The following PCM1 variants were observed in gnomAD, a reference collection of about 807,000 sequenced individuals.
The protein encoded by PCM1 is pericentriolar material 1 protein.
In PCM1, 157 loss-of-function variants were observed where a neutral mutation model predicts 241.9. The observed-to-expected ratio is 0.65, with a 90% CI of 0.57 to 0.74. PCM1 has a LOEUF of 0.74. Among genes scored for constraint, PCM1 ranks in the 30% least tolerant of loss-of-function variants. The pLI is 0.00. For missense variants in PCM1, 3,478 were observed against 2,360.1 expected, an observed-to-expected ratio of 1.47 and a Z score of -9.81; for synonymous variants, 1,085 against 784.9, an observed-to-expected ratio of 1.38 and a Z score of -6.39.
In PCM1 at chr8:17,955,525, A is replaced by G. The variant is rs763698154; in HGVS notation, c.1344A>G (p.Val448=). The G allele has an allele frequency of 1.2e-6, 2 of 1,613,738 alleles. No homozygotes were observed. The highest frequency in any genetic ancestry group is 1.7e-6 in the Non-Finnish European group (2 of 1,179,780). ...GTACTTCAGCTCCCTCTGCTTCTGTAGGCTTGGCACCGGTTGTCAATGGAG... is the reference window on the plus strand; with the variant it reads ...GTACTTCAGCTCCCTCTGCTTCTGTGGGCTTGGCACCGGTTGTCAATGGAG... ...QRSTSAPSAS[V]GLAPVVNGES... is the part of the protein sequence containing the mutation. Residue 448 remains valine, a synonymous_variant, in exon 10 of 39, where the codon GTA becomes GTG. Coordinates refer to ENST00000325083, the MANE Select transcript of PCM1 (RefSeq NM_006197.4).
intron 2 of PCM1, among the ~76,000 whole-genome samples, chr8:17,931,699 A>C (rs1016317709): frequency 6.6e-6 from 1 of 152,128 alleles, no homozygotes; most frequent in South Asian, 2.1e-4. Context: ...TTTCAAAACA[A>C]TTGCTTTTAG....
intron 36 of PCM1, among the ~76,000 whole-genome samples, chr8:18,018,901 TATATATATATAA>T (rs1389944655): frequency 7.9e-6 from 1 of 125,856 alleles, no homozygotes; most frequent in African/African-American, 3.1e-5. Context: ...TACATACACA[TATATATATATAA>T]ATATATAACA....
chr8:17,947,159 A>T, intron 6 of PCM1, 27 bp from the exon 7 acceptor site: 1 of 1,469,192 alleles, frequency 6.8e-7, no homozygotes, highest in Non-Finnish European at 9.3e-7. Flanking sequence ...ATAGTCAGAT[A>T]CAAGTATTGT....
intron 23 of PCM1, among the ~76,000 whole-genome samples, chr8:17,979,787 T>TAAAAACA (rs1554710330): frequency 1.3e-5 from 2 of 151,440 alleles, no homozygotes; most frequent in Non-Finnish European, 3.0e-5. Flanking sequence ...TTTTTAAAAT[T>TAAAAACA]AAAAACAAAA....
At chr8:18,013,588 T>A (rs1230367834) in intron 34 of PCM1, among the ~76,000 whole-genome samples, 1 of 152,190 alleles carries the variant, frequency 6.6e-6, no homozygotes, top group African/African-American at 2.4e-5. Flanking sequence ...AGTTATGAGG[T>A]GAATCTCAGT....
rs753365558 is a variant in PCM1, at chr8:17,938,832, T to G, written c.435T>G (p.Pro145=). The G allele has an allele frequency of 1.4e-5, 22 of 1,613,436 alleles. No individual in the cohort carries two copies. The Admixed American group carries it at 3.3e-4, about 24-fold the overall frequency. ...ACCGAAAGCCCTTCAACTTTTTGCC[T>G]ATGCAGATTAATACTAACAAGAGCA... ...SENRKPFNFL[P]MQINTNKSKD... is the part of the protein sequence containing the mutation. The change falls in exon 5 of 39, where the codon CCT becomes CCG. Residue 145 remains proline, a synonymous_variant. Coordinates refer to ENST00000325083, the MANE Select transcript of PCM1 (RefSeq NM_006197.4).
At chr8:18,017,952 TAAAC>T (rs1182062922) in intron 36 of PCM1, among the ~76,000 whole-genome samples, 1 of 152,140 alleles carries the variant, frequency 6.6e-6, no homozygotes, top group African/African-American at 2.4e-5. Flanking sequence ...ATAAGGCCCT[TAAAC>T]AAACATGGGG....
At chr8:17,937,872 A>T (rs1344285125) in intron 4 of PCM1, among the ~76,000 whole-genome samples, 1 of 152,184 alleles carries the variant, frequency 6.6e-6, no homozygotes, top group Non-Finnish European at 1.5e-5. Context: ...TGTCATAGAG[A>T]CACACACATT....
intron 17 of PCM1, among the ~76,000 whole-genome samples, chr8:17,964,190 G>A (rs1172713389): frequency 6.6e-6 from 1 of 152,156 alleles, no homozygotes; most frequent in Non-Finnish European, 1.5e-5. Context: ...GTAGCCATGT[G>A]TACCTAGTGT....
intron 10 of PCM1, 99 bp downstream of exon 10, chr8:17,955,752 A>C (rs1401573824): frequency 1.1e-6 from 1 of 911,570 alleles, no homozygotes; most frequent in East Asian, 2.6e-5. Context: ...AGATTTATTT[A>C]ATATTGTTGT....
In PCM1 at chr8:17,962,082, G is replaced by A. The variant is rs2072542604; in HGVS notation, c.2371G>A (p.Ala791Thr). 2 of 1,611,670 alleles carry A rather than the reference G, an allele frequency of 1.2e-6. No homozygotes were observed. Among genetic ancestry groups the A allele is most frequent in the Non-Finnish European group, 1.7e-6 (2 of 1,178,608 alleles). ...GNCPTKKYMP[A>T]VTSTPTVNQH... is the part of the protein sequence containing the mutation. Reference sequence around the variant, plus strand: ...CTGTCCCACCAAAAAATATATGCCAGCTGTTACTTCAACCCCAACTGTTAA... The same window carrying A: ...CTGTCCCACCAAAAAATATATGCCAACTGTTACTTCAACCCCAACTGTTAA... The change falls in exon 16 of 39, where the codon GCT becomes ACT. Residue 791 changes from alanine to threonine, a missense_variant. By Grantham distance (58) the Ala-to-Thr change is moderately conservative. Transcript: ENST00000325083.
At chr8:17,978,052 A>G (rs1364905102) in intron 23 of PCM1, among the ~76,000 whole-genome samples, 1 of 151,914 alleles carries the variant, frequency 6.6e-6, no homozygotes, top group African/African-American at 2.4e-5. Flanking sequence ...CTTGAACAAA[A>G]TAATAAGGGC....
At chr8:17,995,776 C>T (rs1207993388) in intron 29 of PCM1, among the ~76,000 whole-genome samples, 3 of 151,870 alleles carry the variant, frequency 2.0e-5, no homozygotes, top group Non-Finnish European at 4.4e-5. Context: ...AGAGATCTTT[C>T]ACTTATTTGG....
intron 28 of PCM1, among the ~76,000 whole-genome samples, chr8:17,992,005 T>C (rs1358640075): frequency 3.3e-5 from 5 of 152,222 alleles, no homozygotes; most frequent in Non-Finnish European, 7.3e-5. Flanking sequence ...TCTCCAACTC[T>C]ACCCAGATGG....
chr8:18,002,043 G>A (rs1208949421), intron 29 of PCM1, among the ~76,000 whole-genome samples: 1 of 14,828 alleles, frequency 6.7e-5, no homozygotes, highest in East Asian at 1.3e-3. Flanking sequence ...TTTGTGGAGA[G>A]ATCTGTTAAA....
chr8:17,931,059 T>G (rs536509711), intron 2 of PCM1, among the ~76,000 whole-genome samples: 1 of 152,350 alleles, frequency 6.6e-6, no homozygotes, highest in South Asian at 2.1e-4. Context: ...ATTGTTCATT[T>G]TGCCAACCTG....
chr8:17,984,611 C>T (rs1347999674), intron 24 of PCM1, among the ~76,000 whole-genome samples: 1 of 151,918 alleles, frequency 6.6e-6, no homozygotes, highest in East Asian at 1.9e-4. Flanking sequence ...TCTATTAGAG[C>T]ACATTCTTTT....
In PCM1 at chr8:17,995,742, T is replaced by C. The variant is rs891356226; in HGVS notation, c.4827+2123T>C. On this transcript the variant is annotated intron_variant, in intron 29 of 38. Coordinates refer to ENST00000325083, the MANE Select transcript of PCM1 (RefSeq NM_006197.4). ...TTTGTGTCTTTTTAAATTTCTTTCA[T>C]CAGTGTTTTATAGTTTTCATTGTAG... Among the ~76,000 whole-genome samples the C allele has an allele frequency of 1.2e-4, 18 of 152,232 alleles. 2 individuals are homozygous for C. The highest frequency in any genetic ancestry group is 4.3e-4 in the African/African-American group (18 of 41,538).
At chr8:18,020,179 C>T (rs754857967) in intron 36 of PCM1, among the ~76,000 whole-genome samples, 2 of 152,156 alleles carry the variant, frequency 1.3e-5, no homozygotes, top group Non-Finnish European at 2.9e-5. Flanking sequence ...ATATGATAAT[C>T]CATCCTTAGG....
Sources: allele counts gnomAD v4.1 joint callset (sites outside exome capture counted in the v4.1 genomes callset), GRCh38; gene constraint gnomAD v4.1.1; transcripts MANE v1.5; gene names NCBI Gene and HGNC (gene_info 2026-07-23, HGNC 2026-07-21).